The following SYDE2 variants were observed in gnomAD, a reference collection of about 807,000 sequenced individuals.
SYDE2 encodes the protein rho GTPase-activating protein SYDE2.
A neutral mutation model predicts 91.5 loss-of-function variants in SYDE2; 76 were observed. That is an observed-to-expected ratio of 0.83 (90% CI 0.69 to 1.01). SYDE2 has a LOEUF of 1.01. SYDE2 is among the 50% of genes least tolerant of loss of function. SYDE2 has a pLI of 0.00. For missense variants in SYDE2, 1,364 were observed against 1,367.7 expected (o/e 1.00, Z 0.04); for synonymous variants, 513 against 506.4 (o/e 1.01, Z -0.18).
chr1:85,169,671 C>A (rs1457802456), intron 4 of SYDE2, among the ~76,000 whole-genome samples: 1 of 151,976 alleles, frequency 6.6e-6, no homozygotes, highest in East Asian at 1.9e-4. Flanking sequence ...TGTCTGAAAC[C>A]CTTGGAAATA....
chr1:85,156,627 T>C (rs932150787), downstream of SYDE2, among the ~76,000 whole-genome samples: 5 of 152,088 alleles, frequency 3.3e-5, no homozygotes, highest in African/African-American at 9.7e-5. Context: ...AAAAAAATGA[T>C]AGAATTCTCT....
At chr1:85,186,175 A>G (rs2100679200) in intron 2 of SYDE2, among the ~76,000 whole-genome samples, 1 of 151,778 alleles carries the variant, frequency 6.6e-6, no homozygotes, top group African/African-American at 2.4e-5. Context: ...AAGCTTTTTG[A>G]TGTGCTGCTG....
intron 6 of SYDE2, among the ~76,000 whole-genome samples, chr1:85,161,938 GA>G (rs1262708122): frequency 2.6e-5 from 4 of 152,078 alleles, no homozygotes; most frequent in Non-Finnish European, 5.9e-5. Context: ...TGGTCAACGG[GA>G]AGTGTGTTTC....
intron 2 of SYDE2, among the ~76,000 whole-genome samples, chr1:85,184,647 G>A (rs961659987): frequency 6.6e-6 from 1 of 151,906 alleles, no homozygotes; most frequent in African/African-American, 2.4e-5. Flanking sequence ...GGGAGGCTGA[G>A]GCAGATAGGA....
intron 1 of SYDE2, chr1:85,194,807 C>G: frequency 1.0e-6 from 1 of 984,060 alleles, no homozygotes; most frequent in Non-Finnish European, 1.2e-6. Context: ...ACTAGTGCCC[C>G]CAGCTCAAAT....
intron 2 of SYDE2, among the ~76,000 whole-genome samples, chr1:85,189,043 G>C (rs1658260183): frequency 6.6e-6 from 1 of 152,132 alleles, no homozygotes. Flanking sequence ...TGGGTAGTGT[G>C]TCTGGGACTA....
intron 2 of SYDE2, among the ~76,000 whole-genome samples, chr1:85,184,864 C>T (rs1658068292): frequency 6.9e-6 from 1 of 144,280 alleles, no homozygotes; most frequent in South Asian, 2.1e-4. Flanking sequence ...CTGGGAAACA[C>T]AGAGATACCC....
chr1:85,182,947 G>C lies in SYDE2; in HGVS notation c.1695C>G (p.Asn565Lys). ...TATCAGTATGATGAACTTCTCGGCA[G>C]TTATATTTAGACAAAGAAGGAGTAT... Reference protein sequence around the residue: ...PDNTPSLSKYNCREVHHTDIL... With the variant: ...PDNTPSLSKYKCREVHHTDIL... The change falls in exon 3 of 7, where the codon AAC becomes AAG. Residue 565 changes from asparagine to lysine, a missense_variant. Physicochemically the swap from Asn to Lys is moderately conservative, Grantham distance 94. Coordinates refer to ENST00000341460, the MANE Select transcript of SYDE2 (RefSeq NM_032184.2). 3 of 1,613,834 alleles carry C rather than the reference G, an allele frequency of 1.9e-6. No homozygotes were observed. The highest frequency in any genetic ancestry group is 1.7e-6 in the Non-Finnish European group (2 of 1,179,774).
chr1:85,168,964 T>C, intron 5 of SYDE2, 80 bp downstream of exon 5: 4 of 1,301,122 alleles, frequency 3.1e-6, no homozygotes, highest in Non-Finnish European at 4.4e-6. Context: ...GTCAAATATC[T>C]AAAATTATTT....
At chr1:85,196,790 A>G (rs1658603712) in intron 1 of SYDE2, among the ~76,000 whole-genome samples, 1 of 152,212 alleles carries the variant, frequency 6.6e-6, no homozygotes, top group African/African-American at 2.4e-5. Flanking sequence ...TAAAGATAAA[A>G]AATCAGAGTT....
intron 6 of SYDE2, among the ~76,000 whole-genome samples, chr1:85,162,407 C>T (rs182374402): frequency 3.3e-5 from 5 of 152,252 alleles, no homozygotes; most frequent in Admixed American, 2.0e-4. Context: ...AAATGCACCT[C>T]GTCTACTTGA....
At chr1:85,153,815 A>T, downstream of SYDE2, 1 of 152,128 alleles carries the variant, frequency 6.6e-6, no homozygotes, top group East Asian at 1.9e-4. Context: ...AAAAAAATTT[A>T]AAAAGAGGTA....
chr1:85,174,052 GA>G (rs35729320), intron 4 of SYDE2, among the ~76,000 whole-genome samples: 28,855 of 150,402 alleles, frequency 0.19, 3,026 homozygotes, highest in African/African-American at 0.26. Context: ...GGAAAAAGCT[GA>G]AAAAAAAATA....
At position 85,159,172 on chromosome 1, in the gene SYDE2, T is replaced by C; in HGVS notation, c.3163A>G (p.Lys1055Glu). The change falls in exon 7 of 7, where the codon AAG becomes GAG. Residue 1055 changes from lysine to glutamate, a missense_variant. Lys to Glu is a moderately conservative substitution (Grantham distance 56, BLOSUM62 1). Transcript: ENST00000341460. ...TTTAACATATGAGGTCGTTCTTTCT[T>C]CTGCCTCAGATAATTCAGAGAAGAC... ...QKSSLNYLRQKKERPHMLNLS... is the reference protein window; with the variant it reads ...QKSSLNYLRQEKERPHMLNLS... The C allele has an allele frequency of 3.8e-6, 3 of 780,836 alleles. No individual in the cohort carries two copies. Among genetic ancestry groups the C allele is most frequent in the South Asian group, 2.7e-5 (2 of 74,608 alleles). 48.4% of individuals were successfully genotyped at this position (780,836 alleles called of 1,614,324 possible).
chr1:85,190,164 G>A lies in SYDE2; in HGVS notation c.1334C>T (p.Pro445Leu). The A allele has an allele frequency of 8.1e-6, 13 of 1,613,934 alleles. No individual in the cohort carries two copies. Among genetic ancestry groups the A allele is most frequent in the Non-Finnish European group, 1.0e-5 (12 of 1,179,870 alleles). The change falls in exon 2 of 7, where the codon CCT becomes CTT. Residue 445 changes from proline to leucine, a missense_variant. Transcript: ENST00000341460. ...TRSNGMNPIH[P>L]AHSTEFVQQY... Reference sequence around the variant, plus strand: ...CTGCACAAATTCTGTGGAATGGGCAGGATGTATAGGATTCATTCCATTTGA... The same window carrying A: ...CTGCACAAATTCTGTGGAATGGGCAAGATGTATAGGATTCATTCCATTTGA...
chr1:85,187,343 A>T (rs1364535585), intron 2 of SYDE2, among the ~76,000 whole-genome samples: 5 of 152,110 alleles, frequency 3.3e-5, no homozygotes, highest in African/African-American at 1.2e-4. Flanking sequence ...TTCGAATGGC[A>T]ATCATTAAAA....
downstream of SYDE2, chr1:85,154,065 C>G (rs1272134027): frequency 6.6e-6 from 1 of 152,076 alleles, no homozygotes; most frequent in Non-Finnish European, 1.5e-5. Flanking sequence ...GACCCTTTTG[C>G]ATTCAGAGTG....
rs1571222764 is a variant in SYDE2 at position 85,160,127 on chromosome 1, T to C, written c.3086-878A>G. 5.1e-6 allele frequency: 5 copies of C among 984,672 alleles called. No individual in the cohort carries two copies. The South Asian group carries it at 2.4e-4, about 46-fold the overall frequency. The allele number at this position is 984,672 out of a possible 1,614,324, so 61.0% of individuals were successfully genotyped here. A position where few individuals can be genotyped will look rare whatever the true frequency, so the allele number is the denominator to read the frequency against. ...CATAGCTATTAAAGATTACCCATAA[T>C]ATCTTTCTCTTTCTGCATGAATAAG... On this transcript the variant is annotated intron_variant, in intron 6 of 6. Coordinates refer to ENST00000341460, the MANE Select transcript of SYDE2 (RefSeq NM_032184.2).
downstream of SYDE2, among the ~76,000 whole-genome samples, chr1:85,155,033 AAAAG>A (rs1198384377): frequency 4.0e-5 from 6 of 148,628 alleles, no homozygotes; most frequent in Non-Finnish European, 7.4e-5. Context: ...AAAGAAAAGA[AAAAG>A]AAAAAAGAAA....
Sources: gnomAD v4.1 joint callset for allele counts (sites outside exome capture counted in the v4.1 genomes callset) on GRCh38, gnomAD v4.1.1 for gene constraint, MANE v1.5 for transcripts, NCBI Gene and HGNC (gene_info 2026-07-23, HGNC 2026-07-21) for gene names.